CNTN3: variants seen among roughly 807,000 people sequenced by gnomAD.
The protein encoded by CNTN3 is contactin 3.
In CNTN3, 60 loss-of-function variants were observed where a neutral mutation model predicts 119.1. The observed-to-expected ratio is 0.50, with a 90% CI of 0.41 to 0.62. The LOEUF is 0.62. Ranked by LOEUF, CNTN3 falls within the 20% of genes least tolerant of loss-of-function variation. CNTN3 has a pLI of 0.00. For missense variants in CNTN3, 1,101 were observed against 1,242.4 expected, an observed-to-expected ratio of 0.89 and a Z score of 1.71; for synonymous variants, 450 against 438.7, an observed-to-expected ratio of 1.03 and a Z score of -0.32.
chr3:74,473,445 T>C (rs1702601240), intron 4 of CNTN3, among the ~76,000 whole-genome samples: 1 of 152,142 alleles, frequency 6.6e-6, no homozygotes, highest in African/African-American at 2.4e-5. Context: ...TTAAATTTAG[T>C]CCCCAACATT....
chr3:74,549,166 A>G (rs186945422), intron 1 of CNTN3, among the ~76,000 whole-genome samples: 3 of 152,144 alleles, frequency 2.0e-5, no homozygotes, highest in Non-Finnish European at 2.9e-5. Flanking sequence ...TTTAGCCCCA[A>G]CCCCCTAGTG....
chr3:74,368,746 G>A (rs141045350), intron 8 of CNTN3, among the ~76,000 whole-genome samples: 2,195 of 151,022 alleles, frequency 0.015, 21 homozygotes, highest in Non-Finnish European at 0.023. Context: ...AACTCAACAA[G>A]AGCCAGAGTT....
At chr3:74,324,916 G>T (rs983679771) in intron 13 of CNTN3, among the ~76,000 whole-genome samples, 1 of 152,168 alleles carries the variant, frequency 6.6e-6, no homozygotes, top group African/African-American at 2.4e-5. Context: ...GGGAATTTGT[G>T]TGTAAGTGAA....
chr3:74,417,915 CCTAA>C (rs1244112885), intron 5 of CNTN3, among the ~76,000 whole-genome samples: 26 of 152,208 alleles, frequency 1.7e-4, no homozygotes, highest in East Asian at 1.4e-3. Flanking sequence ...AGATGGATTA[CCTAA>C]CTGTTTGCCA....
chr3:74,412,211 T>C (rs1049049303), intron 5 of CNTN3, among the ~76,000 whole-genome samples: 25 of 152,166 alleles, frequency 1.6e-4, no homozygotes, highest in Admixed American at 6.6e-5. Flanking sequence ...TTTGTATTTA[T>C]GTGTAATAGA....
chr3:74,434,733 G>A (rs1009561800), intron 4 of CNTN3, among the ~76,000 whole-genome samples: 1 of 152,188 alleles, frequency 6.6e-6, no homozygotes, highest in African/African-American at 2.4e-5. Flanking sequence ...GATAACTCGT[G>A]TAAATTACTT....
intron 3 of CNTN3, among the ~76,000 whole-genome samples, chr3:74,490,199 T>C: frequency 6.6e-6 from 1 of 152,196 alleles, no homozygotes; most frequent in East Asian, 1.9e-4. Flanking sequence ...GTGGGTTTAA[T>C]TTTTAAGCTG....
chr3:74,327,056 T>C (rs1453283826), intron 13 of CNTN3, among the ~76,000 whole-genome samples: 1 of 151,848 alleles, frequency 6.6e-6, no homozygotes, highest in African/African-American at 2.4e-5. Context: ...ATTGATATGA[T>C]GTATGTACAT....
chr3:74,425,500 T>C (rs1701681882), intron 4 of CNTN3, among the ~76,000 whole-genome samples: 2 of 152,278 alleles, frequency 1.3e-5, no homozygotes, highest in Non-Finnish European at 1.5e-5. Context: ...ACTGATCCCA[T>C]GTTGCTGAAA....
intron 1 of CNTN3, among the ~76,000 whole-genome samples, chr3:74,611,325 T>C (rs532527076): frequency 3.0e-4 from 45 of 152,296 alleles, no homozygotes; most frequent in African/African-American, 1.1e-3. Context: ...CCAGCACTTC[T>C]ATTACAAACC....
At chr3:74,610,530 G>C (rs886337336) in intron 1 of CNTN3, among the ~76,000 whole-genome samples, 17 of 152,224 alleles carry the variant, frequency 1.1e-4, no homozygotes, top group Non-Finnish European at 2.2e-4. Flanking sequence ...AATTGTCAAA[G>C]GGACAGTAGT....
intron 4 of CNTN3, among the ~76,000 whole-genome samples, chr3:74,478,650 C>T (rs751862115): frequency 1.3e-5 from 2 of 152,046 alleles, no homozygotes; most frequent in African/African-American, 2.4e-5. Flanking sequence ...GACACCATAG[C>T]GACCCTCCTG....
rs577366783 is a variant in CNTN3, at chr3:74,596,631, C to T, written c.-81+17760G>A. Among the ~76,000 whole-genome samples the T allele has an allele frequency of 4.3e-4, 65 of 152,152 alleles. No individual in the cohort carries two copies. In the East Asian group the frequency reaches 9.7e-3, roughly 23 times the overall value. ...AATGGTGCTGGGAAAACTGGCTAGC[C>T]ATATGTAGAAAGCTGAAACTGGATC... On this transcript the variant is annotated intron_variant, in intron 1 of 22. Coordinates refer to ENST00000263665, the MANE Select transcript of CNTN3 (RefSeq NM_020872.3).
At chr3:74,597,059 T>G (rs1001020045) in intron 1 of CNTN3, among the ~76,000 whole-genome samples, 7 of 152,050 alleles carry the variant, frequency 4.6e-5, no homozygotes, top group Non-Finnish European at 8.8e-5. Flanking sequence ...TCCATTTACA[T>G]AAAATTCTAA....
At chr3:74,330,648 G>T (rs149683352) in intron 13 of CNTN3, among the ~76,000 whole-genome samples, 2 of 152,094 alleles carry the variant, frequency 1.3e-5, no homozygotes, top group African/African-American at 4.8e-5. Flanking sequence ...TCTCATATAG[G>T]TCCTTCAGGA....
chr3:74,434,029 C>T (rs1325897048), intron 4 of CNTN3, among the ~76,000 whole-genome samples: 1 of 152,176 alleles, frequency 6.6e-6, no homozygotes, highest in African/African-American at 2.4e-5. Context: ...CTTAGGATCT[C>T]CATCATGGGT....
chr3:74,501,809 G>A (rs556051444), intron 2 of CNTN3, among the ~76,000 whole-genome samples: 8 of 150,144 alleles, frequency 5.3e-5, no homozygotes, highest in Middle Eastern at 3.5e-3. Context: ...AAAAGCTTCC[G>A]TTTCCCTTTT....
intron 8 of CNTN3, among the ~76,000 whole-genome samples, chr3:74,366,790 A>G (rs1310955705): frequency 3.9e-5 from 5 of 127,342 alleles, no homozygotes; most frequent in South Asian, 2.7e-4. Flanking sequence ...GTATATATAT[A>G]TATATATATA....
chr3:74,421,579 A>G (rs745830139), intron 5 of CNTN3, among the ~76,000 whole-genome samples: 6 of 152,242 alleles, frequency 3.9e-5, no homozygotes, highest in Non-Finnish European at 8.8e-5. Flanking sequence ...GTAATCAGAA[A>G]AATAACAAAT....
Sources: gnomAD v4.1 joint callset for allele counts (sites outside exome capture counted in the v4.1 genomes callset) on GRCh38, gnomAD v4.1.1 for gene constraint, MANE v1.5 for transcripts, NCBI Gene and HGNC (gene_info 2026-07-23, HGNC 2026-07-21) for gene names.